CEP112: variants seen among roughly 807,000 people sequenced by gnomAD.
The protein encoded by CEP112 is centrosomal protein 112.
A neutral mutation model predicts 153.0 loss-of-function variants in CEP112; 127 were observed. The ratio of observed to expected loss-of-function variants is 0.83; its 90% confidence interval spans 0.72 to 0.96. The LOEUF is 0.96. Ranked by LOEUF, CEP112 falls within the 40% of genes least tolerant of loss-of-function variation. The pLI is 0.00. For synonymous variants in CEP112, 358 were observed against 374.4 expected (o/e 0.96, Z 0.51); for missense variants, 1,089 against 1,101.2 (o/e 0.99, Z 0.16).
intron 21 of CEP112, among the ~76,000 whole-genome samples, chr17:65,833,097 G>C (rs1309623696): frequency 6.6e-6 from 1 of 151,830 alleles, no homozygotes; most frequent in African/African-American, 2.4e-5. Flanking sequence ...CAGAACTAAA[G>C]ACAAAAACCA....
intron 24 of CEP112, among the ~76,000 whole-genome samples, chr17:65,643,118 G>A (rs921357341): frequency 3.3e-5 from 5 of 152,056 alleles, no homozygotes; most frequent in African/African-American, 1.2e-4. Flanking sequence ...GGGCCTTTGT[G>A]GAGAAAATGG....
chr17:65,828,878 G>GT lies in CEP112; in HGVS notation c.2394+22925dup, dbSNP rs142931765. Among the ~76,000 whole-genome samples the GT allele has an allele frequency of 4.8e-3, 696 of 144,180 alleles. 2 individuals carry two copies. Among genetic ancestry groups the GT allele is most frequent in the South Asian group, 7.3e-3 (33 of 4,512 alleles). 94.6% of individuals were successfully genotyped at this position (144,180 alleles called of 152,430 possible). Reference sequence around the variant, plus strand: ...AGTGAGATTAATATGTTTTTAGAGAGTTTTTTTTTTTCAGTTTTGACACTG... The same window carrying GT: ...AGTGAGATTAATATGTTTTTAGAGAGTTTTTTTTTTTTCAGTTTTGACACTG... On this transcript the variant is annotated intron_variant, in intron 21 of 26. Coordinates refer to ENST00000535342, the MANE Select transcript of CEP112 (RefSeq NM_001199165.4).
chr17:65,901,998 GT>G (rs1453678894), intron 20 of CEP112, among the ~76,000 whole-genome samples, 153 bp downstream of exon 20: 592 of 37,408 alleles, frequency 0.016, 37 homozygotes, highest in African/African-American at 0.018. Context: ...GGGGGGGGGG[GT>G]GGGGGGGAGA....
intron 21 of CEP112, among the ~76,000 whole-genome samples, chr17:65,753,854 T>C (rs2052043929): frequency 6.6e-6 from 1 of 152,186 alleles, no homozygotes; most frequent in Non-Finnish European, 1.5e-5. Flanking sequence ...GAGTCACGGA[T>C]AATAGTTAGT....
chr17:65,715,986 A>T (rs902008394), intron 23 of CEP112, among the ~76,000 whole-genome samples: 49 of 152,184 alleles, frequency 3.2e-4, no homozygotes, highest in Admixed American at 3.2e-3. Flanking sequence ...ACTTCTAAGC[A>T]TGTAGTTTTA....
chr17:65,993,596 G>T (rs1289717442), intron 17 of CEP112, among the ~76,000 whole-genome samples: 1 of 152,120 alleles, frequency 6.6e-6, no homozygotes, highest in Non-Finnish European at 1.5e-5. Context: ...CAGCCCAAAT[G>T]AATATTGACA....
At chr17:66,173,777 C>T (rs1300238096) in intron 4 of CEP112, among the ~76,000 whole-genome samples, 3 of 152,214 alleles carry the variant, frequency 2.0e-5, no homozygotes, top group Non-Finnish European at 2.9e-5. Flanking sequence ...AGTATTTTAA[C>T]ACCACACTTC....
At chr17:66,002,415 C>G (rs1209553330) in intron 17 of CEP112, among the ~76,000 whole-genome samples, 9 of 152,068 alleles carry the variant, frequency 5.9e-5, no homozygotes, top group Non-Finnish European at 1.3e-4. Flanking sequence ...ACTTAGAAGT[C>G]ATTAGGAGAA....
At chr17:65,988,323 A>C (rs1374416010) in intron 17 of CEP112, among the ~76,000 whole-genome samples, 1 of 152,246 alleles carries the variant, frequency 6.6e-6, no homozygotes, top group Non-Finnish European at 1.5e-5. Context: ...AAGTCAGGCA[A>C]GGAAAACTGA....
chr17:65,895,968 CTCT>C (rs2059645441), intron 20 of CEP112, among the ~76,000 whole-genome samples: 1 of 152,018 alleles, frequency 6.6e-6, no homozygotes, highest in African/African-American at 2.4e-5. Context: ...ATTTAATTAC[CTCT>C]TCTTCAAGAA....
chr17:65,860,051 T>C (rs80002940), intron 20 of CEP112, among the ~76,000 whole-genome samples: 2 of 148,958 alleles, frequency 1.3e-5, no homozygotes, highest in Non-Finnish European at 1.5e-5. Context: ...TCTTTAATCA[T>C]AGATGCCATG....
chr17:65,641,256 C>T (rs968046996), intron 24 of CEP112, among the ~76,000 whole-genome samples, 191 bp from the exon 25 acceptor site: 3 of 152,196 alleles, frequency 2.0e-5, no homozygotes, highest in Non-Finnish European at 4.4e-5. Flanking sequence ...CCCTGTGACT[C>T]TGAGAGAGAT....
chr17:65,745,681 C>CGT (rs1297816665), intron 22 of CEP112, among the ~76,000 whole-genome samples: 2 of 151,828 alleles, frequency 1.3e-5, no homozygotes, highest in South Asian at 2.1e-4. Flanking sequence ...AGAGAGGGTG[C>CGT]GTGTGTGTGT....
At chr17:65,801,016 A>G (rs2055238192) in intron 21 of CEP112, among the ~76,000 whole-genome samples, 1 of 152,090 alleles carries the variant, frequency 6.6e-6, no homozygotes, top group African/African-American at 2.4e-5. Flanking sequence ...TTAGGTTTTT[A>G]TCAGCTGGAT....
At chr17:65,975,987 C>G (rs192098759) in intron 17 of CEP112, among the ~76,000 whole-genome samples, 1 of 152,220 alleles carries the variant, frequency 6.6e-6, no homozygotes. Flanking sequence ...GGATGTGTTA[C>G]GCAATCCTCC....
At chr17:65,927,274 C>T (rs1436595527) in intron 19 of CEP112, among the ~76,000 whole-genome samples, 2 of 152,170 alleles carry the variant, frequency 1.3e-5, no homozygotes, top group Non-Finnish European at 2.9e-5. Context: ...GGCCACTATG[C>T]TTTCTGCACA....
intron 23 of CEP112, among the ~76,000 whole-genome samples, chr17:65,714,245 CA>C (rs1309336439): frequency 1.3e-5 from 2 of 152,100 alleles, no homozygotes; most frequent in Non-Finnish European, 2.9e-5. Context: ...TATCTCTCTT[CA>C]TGTACATATG....
chr17:66,112,425 A>G lies in CEP112; in HGVS notation c.643-15793T>C, dbSNP rs575193090. 7.0e-4 allele frequency among the ~76,000 whole-genome samples: 102 copies of G among 145,578 alleles called. No individual in the cohort carries two copies. The Middle Eastern group carries it at 0.011, about 15-fold the overall frequency. ...CTCATAAACATATAAAATATGGTCA[A>G]TATACTTAGAAATATAAAAAATATA... On this transcript the variant is annotated intron_variant, in intron 6 of 26. Coordinates refer to ENST00000535342, the MANE Select transcript of CEP112 (RefSeq NM_001199165.4).
At chr17:65,842,467 C>T (rs570598999) in intron 21 of CEP112, among the ~76,000 whole-genome samples, 9 of 152,012 alleles carry the variant, frequency 5.9e-5, no homozygotes, top group African/African-American at 4.8e-5. Flanking sequence ...AAAGATTATT[C>T]GGGAAACTGT....
Sources: gnomAD v4.1 joint callset for allele counts (sites outside exome capture counted in the v4.1 genomes callset) on GRCh38, gnomAD v4.1.1 for gene constraint, MANE v1.5 for transcripts, NCBI Gene and HGNC (gene_info 2026-07-23, HGNC 2026-07-21) for gene names.